NPC1: variants seen among roughly 807,000 people sequenced by gnomAD.
The protein encoded by NPC1 is NPC intracellular cholesterol transporter 1.
A neutral mutation model predicts 140.4 loss-of-function variants in NPC1; 85 were observed. That is an observed-to-expected ratio of 0.61 (90% CI 0.51 to 0.72). The LOEUF (loss-of-function observed/expected upper bound fraction) is 0.72. Among genes scored for constraint, NPC1 ranks in the 30% least tolerant of loss-of-function variants. The pLI, the probability that NPC1 is intolerant of heterozygous loss-of-function variation, is 0.00. For missense variants in NPC1, 1,504 were observed against 1,623.8 expected, an observed-to-expected ratio of 0.93 and a Z score of 1.27; for synonymous variants, 656 against 624.8, an observed-to-expected ratio of 1.05 and a Z score of -0.74.
Position 23,539,969 on chromosome 18 carries a change from G to A in NPC1, c.2637C>T (p.Ile879=). The A allele has an allele frequency of 6.2e-7, 1 of 1,614,200 alleles. No homozygotes were observed. Among genetic ancestry groups the A allele is most frequent in the Non-Finnish European group, 8.5e-7 (1 of 1,180,018 alleles). The change falls in exon 18 of 25, where the codon ATC becomes ATT. Residue 879 remains isoleucine (I), a synonymous_variant. Coordinates refer to ENST00000269228, the MANE Select transcript of NPC1 (RefSeq NM_000271.5). ...GCGGACCCGCATGCAGGTACTGACTGATGGATTTGAAATAATCCACCATGT... is the reference window on the plus strand; with the variant it reads ...GCGGACCCGCATGCAGGTACTGACTAATGGATTTGAAATAATCCACCATGT... ...DSYMVDYFKS[I]SQYLHAGPPV...
rs1000073339 is a variant in NPC1, at chr18:23,549,742, C to CTTTTTTTTTTTTTTTTTT, written c.1655-1635_1655-1634insAAAAAAAAAAAAAAAAAA. 3.5e-3 allele frequency among the ~76,000 whole-genome samples: 487 copies of CTTTTTTTTTTTTTTTTTT among 137,900 alleles called. 16 individuals are homozygous for CTTTTTTTTTTTTTTTTTT. The highest frequency in any genetic ancestry group is 0.013 in the African/African-American group (469 of 36,544). 90.5% of individuals were successfully genotyped at this position (137,900 alleles called of 152,430 possible). A position where few individuals can be genotyped will look rare whatever the true frequency, so the allele number is the denominator to read the frequency against. On this transcript the variant is annotated intron_variant, in intron 10 of 24. Transcript: ENST00000269228. ...CAGGTTGTTGATCTTTTTTTCACAA[C>CTTTTTTTTTTTTTTTTTT]TTTTTTTTTTTTTTTTAAGACGGAG...
intron 5 of NPC1, 133 bp downstream of exon 5, chr18:23,561,227 G>T (rs2059033794): frequency 1.1e-6 from 1 of 906,916 alleles, no homozygotes; most frequent in Non-Finnish European, 1.8e-6. Context: ...GCCCAGGCTG[G>T]TCTGGAACTC....
chr18:23,526,890 G>A (rs2058313355), downstream of NPC1: 5 of 1,321,400 alleles, frequency 3.8e-6, no homozygotes, highest in African/African-American at 1.5e-5. Context: ...TTCTTTATGT[G>A]AGGGGTGGCT....
chr18:23,584,003 G>T (rs1056478094), intron 1 of NPC1, among the ~76,000 whole-genome samples: 24 of 152,080 alleles, frequency 1.6e-4, no homozygotes, highest in Non-Finnish European at 3.2e-4. Flanking sequence ...TTTCTACCCA[G>T]GCTTCTCTAT....
chr18:23,579,760 G>A (rs893901715), intron 1 of NPC1, among the ~76,000 whole-genome samples: 2 of 152,196 alleles, frequency 1.3e-5, no homozygotes, highest in African/African-American at 4.8e-5. Flanking sequence ...CATGGTGGCA[G>A]GTGCCTGTAG....
chr18:23,546,226 A>T (rs1435591485), intron 11 of NPC1, among the ~76,000 whole-genome samples: 1 of 123,316 alleles, frequency 8.1e-6, no homozygotes, highest in Admixed American at 1.0e-4. Flanking sequence ...TCCAGCCTGG[A>T]TGACACAGCA....
At chr18:23,582,731 G>A (rs1436028203) in intron 1 of NPC1, among the ~76,000 whole-genome samples, 1 of 151,924 alleles carries the variant, frequency 6.6e-6, no homozygotes, top group Non-Finnish European at 1.5e-5. Context: ...CCTGAGCCCG[G>A]GAGGTCGAGG....
At chr18:23,539,662 TA>T in intron 18 of NPC1, 148 bp downstream of exon 18, 1 of 964,222 alleles carries the variant, frequency 1.0e-6, no homozygotes, top group Non-Finnish European at 1.6e-6. Context: ...AAAGGTTTTT[TA>T]AGGTAAAGCC....
rs2145480361 is a variant in NPC1 at position 23,560,377 on chromosome 18, A to G, written c.735T>C (p.Ile245=). The part of the protein sequence containing the change: ...TAPCSCQDCS[I]VCGPKPQPPP... ...GGGGCTGGGGCTTGGGGCCACAGACAATAGAGCAGTCTTGGCAGCTACATG... is the reference window on the plus strand; with the variant it reads ...GGGGCTGGGGCTTGGGGCCACAGACGATAGAGCAGTCTTGGCAGCTACATG... Residue 245 remains isoleucine, a synonymous_variant, in exon 6 of 25, where the codon ATT becomes ATC. Coordinates refer to ENST00000269228, the MANE Select transcript of NPC1 (RefSeq NM_000271.5). 6.2e-7 allele frequency: 1 copy of G among 1,614,126 alleles called. No individual in the cohort carries two copies. Among genetic ancestry groups the G allele is most frequent in the East Asian group, 2.2e-5 (1 of 44,900 alleles).
intron 4 of NPC1, 105 bp from the exon 5 acceptor site, chr18:23,561,632 C>CA: frequency 9.0e-7 from 1 of 1,116,670 alleles, no homozygotes; most frequent in South Asian, 1.3e-5. Context: ...ACTCCATATG[C>CA]ACCATGCTGG....
At chr18:23,507,195 A>C in intron 3 of NPC1, 2 of 503,668 alleles carry the variant, frequency 4.0e-6, no homozygotes, top group Middle Eastern at 7.6e-4. Flanking sequence ...ATTGTATTAG[A>C]GCCTTCAAAA....
chr18:23,574,448 A>G (rs2059246473), intron 1 of NPC1, among the ~76,000 whole-genome samples: 1 of 152,114 alleles, frequency 6.6e-6, no homozygotes, highest in Admixed American at 6.5e-5. Flanking sequence ...AAAGCCATAA[A>G]AAAAAAACAA....
At chr18:23,542,159 C>G (rs2058721562) in intron 14 of NPC1, among the ~76,000 whole-genome samples, 1 of 152,052 alleles carries the variant, frequency 6.6e-6, no homozygotes, top group East Asian at 1.9e-4. Context: ...CCTACTGTCC[C>G]AAGGTCACTC....
At chr18:23,526,463 T>TGCTCCTGAATG (rs1188109875), downstream of NPC1, among the ~76,000 whole-genome samples, 4 of 152,078 alleles carry the variant, frequency 2.6e-5, no homozygotes, top group Non-Finnish European at 4.4e-5. Flanking sequence ...GCTCCTGAAT[T>TGCTCCTGAATG]GCTCCTGAAT....
At chr18:23,546,752 A>G (rs1051926686) in intron 11 of NPC1, among the ~76,000 whole-genome samples, 13 of 152,244 alleles carry the variant, frequency 8.5e-5, no homozygotes, top group Admixed American at 1.3e-4. Flanking sequence ...AAAAAAGTCC[A>G]CATATTATTC....
intron 3 of NPC1, among the ~76,000 whole-genome samples, chr18:23,569,525 T>C (rs1450139266): frequency 8.5e-5 from 13 of 152,174 alleles, no homozygotes; most frequent in Admixed American, 8.5e-4. Context: ...TGGGTCTGTG[T>C]TGCCCAGGAT....
Position 23,531,857 on chromosome 18 carries a change from A to G in NPC1, c.*345T>C. 1.4e-6 allele frequency: 2 copies of G among 1,453,100 alleles called. No homozygotes were observed. The highest frequency in any genetic ancestry group is 1.5e-5 in the South Asian group (1 of 68,404). 90.0% of individuals were successfully genotyped at this position (1,453,100 alleles called of 1,614,324 possible). A position where few individuals can be genotyped will look rare whatever the true frequency, so the allele number is the denominator to read the frequency against. ...GAACTTGTGGGATGGCTTACTCCTA[A>G]AAGGAGAGACAGACAGTGCATTGAT... is the stretch of plus-strand genomic sequence containing the variant. On this transcript the variant is annotated 3_prime_UTR_variant, in exon 25 of 25. Transcript: ENST00000269228.
chr18:23,543,508 A>G lies in NPC1; in HGVS notation c.2192T>C (p.Val731Ala). The G allele has an allele frequency of 6.2e-7, 1 of 1,612,706 alleles. No individual in the cohort carries two copies. The highest frequency in any genetic ancestry group is 1.3e-5 in the African/African-American group (1 of 74,818). Residue 731 changes from valine to alanine, a missense_variant, in exon 14 of 25, where the codon GTG (valine) becomes GCG (alanine). Transcript: ENST00000269228. ...DQQLGRVLGEVAPSMFLSSFS... is the reference protein window; with the variant it reads ...DQQLGRVLGEAAPSMFLSSFS... The stretch of plus-strand genomic sequence containing the variant: ...GGATGACAGGAACATACTGGGAGCC[A>G]CTTCTCCTAGGACCCTGCCCAGCTG...
chr18:23,531,508 CAA>C lies in NPC1; in HGVS notation c.*692_*693del, dbSNP rs1019321648. On this transcript the variant is annotated 3_prime_UTR_variant, in exon 25 of 25. Transcript: ENST00000269228. ...AGGGTAACCCCAAAACTTAGGAAAA[CAA>C]TGTATTTTATTAAAGAAAAATAAGT... 6.7e-7 allele frequency: 1 copy of C among 1,492,906 alleles called. No homozygotes were observed. The highest frequency in any genetic ancestry group is 1.4e-5 in the African/African-American group (1 of 70,524). 92.5% of individuals were successfully genotyped at this position (1,492,906 alleles called of 1,614,324 possible). A position where few individuals can be genotyped will look rare whatever the true frequency, so the allele number is the denominator to read the frequency against.
Sources: gnomAD v4.1 joint callset for allele counts (sites outside exome capture counted in the v4.1 genomes callset) on GRCh38, gnomAD v4.1.1 for gene constraint, MANE v1.5 for transcripts, NCBI Gene and HGNC (gene_info 2026-07-23, HGNC 2026-07-21) for gene names.